COL19A1: variants seen among roughly 807,000 people sequenced by gnomAD.
COL19A1 encodes the protein collagen type XIX alpha 1 chain, also known as collagen alpha-1(XIX) chain.
COL19A1 carries 159 observed loss-of-function variants against 190.2 expected under a neutral mutation model. The ratio of observed to expected loss-of-function variants is 0.84; its 90% CI spans 0.73 to 0.95. COL19A1 has a LOEUF of 0.95. Among genes scored for constraint, COL19A1 ranks in the 40% least tolerant of loss-of-function variants. The probability of loss-of-function intolerance (pLI) is 0.00; values close to 1 mark genes in which losing one functional copy is unlikely to be tolerated. For missense variants in COL19A1, 1,418 were observed against 1,431.9 expected, an observed-to-expected ratio of 0.99 and a Z score of 0.16; for synonymous variants, 509 against 458.9, an observed-to-expected ratio of 1.11 and a Z score of -1.39.
chr6:70,024,452 A>G (rs142979331), intron 12 of COL19A1, among the ~76,000 whole-genome samples: 1,918 of 152,248 alleles, frequency 0.013, 22 homozygotes, highest in South Asian at 0.041. Flanking sequence ...ATAAAAGAAT[A>G]AGGAAAAACT....
chr6:69,929,155 T>TACACACACACACACACACAC (rs141935825), intron 5 of COL19A1, among the ~76,000 whole-genome samples: 1 of 148,554 alleles, frequency 6.7e-6, no homozygotes, highest in South Asian at 2.1e-4. Context: ...TTAAAATAAC[T>TACACACACACACACACACAC]ACACACACAC....
intron 16 of COL19A1, among the ~76,000 whole-genome samples, chr6:70,105,942 T>C (rs1036436797): frequency 6.6e-6 from 1 of 152,200 alleles, no homozygotes; most frequent in African/African-American, 2.4e-5. Flanking sequence ...TTAGGAAAGT[T>C]GGAGGGAGAC....
chr6:70,009,404 G>A (rs1294529237), intron 11 of COL19A1, among the ~76,000 whole-genome samples: 1 of 151,982 alleles, frequency 6.6e-6, no homozygotes, highest in Admixed American at 6.5e-5. Flanking sequence ...TTTATTTATG[G>A]TGATGACCTG....
At chr6:69,941,707 T>A (rs575537485) in intron 9 of COL19A1, among the ~76,000 whole-genome samples, 8 of 149,458 alleles carry the variant, frequency 5.4e-5, no homozygotes, top group Non-Finnish European at 1.0e-4. Context: ...TTTTTTTTTT[T>A]AGACAGAGAC....
chr6:69,994,335 G>T (rs1211608017), intron 11 of COL19A1, among the ~76,000 whole-genome samples: 7 of 152,196 alleles, frequency 4.6e-5, no homozygotes, highest in East Asian at 1.9e-4. Flanking sequence ...AAGTATTAAT[G>T]CCCAAGCAAA....
intron 14 of COL19A1, among the ~76,000 whole-genome samples, chr6:70,064,596 G>A (rs1268266626): frequency 6.6e-6 from 1 of 152,116 alleles, no homozygotes; most frequent in African/African-American, 2.4e-5. Flanking sequence ...ACATAGTGTT[G>A]GAAGTTCTGG....
intron 12 of COL19A1, among the ~76,000 whole-genome samples, chr6:70,027,495 T>C (rs576371114): frequency 1.3e-5 from 2 of 152,212 alleles, no homozygotes; most frequent in Admixed American, 1.3e-4. Flanking sequence ...TAAATGCCAG[T>C]AGCAGCCCCT....
At chr6:70,176,712 C>A in intron 42 of COL19A1, 148 bp downstream of exon 42, 1 of 576,230 alleles carries the variant, frequency 1.7e-6, no homozygotes, top group Non-Finnish European at 2.8e-6. Flanking sequence ...ATAAATAATG[C>A]CACCTGTATT....
chr6:69,914,696 T>C (rs1455291313), intron 4 of COL19A1, among the ~76,000 whole-genome samples: 1 of 152,238 alleles, frequency 6.6e-6, no homozygotes, highest in East Asian at 1.9e-4. Context: ...AAATTCACTC[T>C]AGCTCTATCA....
intron 49 of COL19A1, 191 bp downstream of exon 49, chr6:70,199,927 T>C: frequency 3.7e-6 from 2 of 545,292 alleles, no homozygotes; most frequent in Non-Finnish European, 6.5e-6. Context: ...GAAGTAGATG[T>C]TTAACTATTA....
intron 17 of COL19A1, among the ~76,000 whole-genome samples, chr6:70,122,573 C>T (rs1274925576): frequency 6.6e-6 from 1 of 152,126 alleles, no homozygotes; most frequent in Non-Finnish European, 1.5e-5. Flanking sequence ...CATTCAATGA[C>T]AAATATTTGG....
intron 15 of COL19A1, among the ~76,000 whole-genome samples, chr6:70,087,774 G>A (rs1782671752): frequency 6.6e-6 from 1 of 152,150 alleles, no homozygotes; most frequent in African/African-American, 2.4e-5. Context: ...GGGGAAGAAA[G>A]CAAGAAAACT....
intron 14 of COL19A1, among the ~76,000 whole-genome samples, chr6:70,041,179 G>A (rs1779616967): frequency 6.6e-6 from 1 of 152,132 alleles, no homozygotes; most frequent in Non-Finnish European, 1.5e-5. Context: ...AGCAAATACA[G>A]CTAGTTGAAA....
rs748211892 is a variant in COL19A1, at chr6:70,161,889, A to G, written c.2293-11A>G. 7 of 1,602,778 alleles carry G rather than the reference A, an allele frequency of 4.4e-6. No individual in the cohort carries two copies. In the African/African-American group the frequency reaches 8.1e-5, roughly 18 times the overall value. ...TATAACAGATTTTATGATGGGAACT[A>G]TCTTTTCCAGGGTCTTCAAGGAATT... On this transcript the variant is annotated splice_polypyrimidine_tract_variant and intron_variant, in intron 34 of 50. Coordinates refer to ENST00000620364, the MANE Select transcript of COL19A1 (RefSeq NM_001858.6).
chr6:69,904,379 C>G (rs1010202413), intron 4 of COL19A1, among the ~76,000 whole-genome samples: 12 of 152,200 alleles, frequency 7.9e-5, no homozygotes, highest in African/African-American at 2.7e-4. Flanking sequence ...ACAGATACAG[C>G]CACTGACGAA....
chr6:70,105,820 T>C (rs1226066129), intron 16 of COL19A1, among the ~76,000 whole-genome samples: 1 of 152,186 alleles, frequency 6.6e-6, no homozygotes, highest in Non-Finnish European at 1.5e-5. Flanking sequence ...AATGTATTTT[T>C]TAAAAAATTT....
intron 25 of COL19A1, 97 bp from the exon 26 acceptor site, chr6:70,146,562 C>A (rs918155020): frequency 9.7e-6 from 8 of 820,560 alleles, no homozygotes; most frequent in Non-Finnish European, 1.4e-5. Flanking sequence ...TTTATTCAAG[C>A]AAGATGAAGA....
At chr6:70,156,830 C>A in intron 34 of COL19A1, 107 bp downstream of exon 34, 2 of 707,592 alleles carry the variant, frequency 2.8e-6, no homozygotes, top group Non-Finnish European at 4.4e-6. Context: ...ATGCTATAAC[C>A]AATAAAAACA....
chr6:70,052,928 T>A (rs1780288927), intron 14 of COL19A1, among the ~76,000 whole-genome samples: 1 of 152,186 alleles, frequency 6.6e-6, no homozygotes, highest in South Asian at 2.1e-4. Flanking sequence ...TGCTTCTATT[T>A]CTTAGAGTTG....
Sources: allele counts gnomAD v4.1 joint callset (sites outside exome capture counted in the v4.1 genomes callset), GRCh38; gene constraint gnomAD v4.1.1; transcripts MANE v1.5; gene names NCBI Gene and HGNC (gene_info 2026-07-23, HGNC 2026-07-21).